Variants in SNX9 observed in about 807,000 individuals in gnomAD.
SNX9 encodes the protein sorting nexin-9.
Under a neutral mutation model 89.4 loss-of-function variants are expected in SNX9, and 44 were observed. That is an observed-to-expected ratio of 0.49 (90% CI 0.39 to 0.63). The LOEUF (loss-of-function observed/expected upper bound fraction) is 0.63. Ranked by LOEUF, SNX9 falls within the 30% of genes least tolerant of loss-of-function variation. SNX9 has a pLI of 0.00. For missense variants in SNX9, 578 were observed against 736.1 expected (o/e 0.79, Z 2.49); for synonymous variants, 236 against 247.8 (o/e 0.95, Z 0.45).
intron 5 of SNX9, 88 bp downstream of exon 5, chr6:157,897,086 C>G (rs1782994131): frequency 7.8e-7 from 1 of 1,281,850 alleles, no homozygotes; most frequent in African/African-American, 1.5e-5. Context: ...GCTGTTCCCA[C>G]ACTCAGCACA....
intron 10 of SNX9, among the ~76,000 whole-genome samples, chr6:157,925,664 T>C (rs552487245): frequency 6.6e-6 from 1 of 152,174 alleles, no homozygotes; most frequent in South Asian, 2.1e-4. Flanking sequence ...ATTTTGACTG[T>C]AGTTCCTAAG....
chr6:157,882,073 A>G (rs1190343301), intron 4 of SNX9, among the ~76,000 whole-genome samples: 1 of 152,172 alleles, frequency 6.6e-6, no homozygotes, highest in Non-Finnish European at 1.5e-5. Context: ...CAAAGTTTCA[A>G]AGAACAGGCT....
chr6:157,928,440 T>C (rs1783739404), intron 11 of SNX9, among the ~76,000 whole-genome samples, 159 bp from the exon 12 acceptor site: 1 of 152,216 alleles, frequency 6.6e-6, no homozygotes, highest in Admixed American at 6.5e-5. Flanking sequence ...AAGTAGTTCT[T>C]TAAATGTCTG....
intron 3 of SNX9, among the ~76,000 whole-genome samples, chr6:157,873,893 A>C (rs893471753): frequency 6.6e-6 from 1 of 151,924 alleles, no homozygotes; most frequent in African/African-American, 2.4e-5. Flanking sequence ...TGCCTGGGAC[A>C]CCCCCAAGCT....
chr6:157,942,409 G>C (rs975567726), intron 17 of SNX9, among the ~76,000 whole-genome samples: 8 of 152,326 alleles, frequency 5.3e-5, no homozygotes, highest in Middle Eastern at 3.4e-3. Flanking sequence ...TGGCCAGGGC[G>C]ACACAACCTT....
chr6:157,873,888 G>A (rs547683784), intron 3 of SNX9, among the ~76,000 whole-genome samples: 14 of 152,212 alleles, frequency 9.2e-5, no homozygotes, highest in Middle Eastern at 3.4e-3. Flanking sequence ...GGTCCTGCCT[G>A]GGACACCCCC....
intron 10 of SNX9, among the ~76,000 whole-genome samples, chr6:157,926,511 G>A (rs1349823743): frequency 6.6e-6 from 1 of 152,180 alleles, no homozygotes; most frequent in African/African-American, 2.4e-5. Flanking sequence ...GCCGAGCACA[G>A]TGGCTTATGC....
intron 4 of SNX9, among the ~76,000 whole-genome samples, chr6:157,876,965 C>T (rs1313183899): frequency 1.3e-5 from 2 of 152,110 alleles, no homozygotes; most frequent in Non-Finnish European, 2.9e-5. Flanking sequence ...ACAGAAGCAC[C>T]CATGAAATGG....
chr6:157,937,443 G>T lies in SNX9; in HGVS notation c.1453G>T (p.Asp485Tyr). The change falls in exon 15 of 18, where the codon GAT (aspartate) becomes TAT (tyrosine). Residue 485 changes from aspartate to tyrosine, a missense_variant. By Grantham distance (160) the Asp-to-Tyr change is radical. Coordinates refer to ENST00000392185, the MANE Select transcript of SNX9 (RefSeq NM_016224.5). The part of the protein sequence containing the change: ...ASLVAEQPKK[D>Y]LHFLMECNHE... ...TTGTATCTTGTTATAGCCAAAGAAA[G>T]ATCTCCATTTCCTGATGGAATGTAA... 1 of 1,612,716 alleles carries T rather than the reference G, an allele frequency of 6.2e-7. No individual in the cohort carries two copies. Among genetic ancestry groups the T allele is most frequent in the Middle Eastern group, 1.7e-4 (1 of 6,058 alleles).
In SNX9 at chr6:157,915,640, AATAT is replaced by A. The variant is rs1411739606; in HGVS notation, c.949+5629_949+5632del. Reference sequence around the variant, plus strand: ...ATCTCTACTAAAAAAAAAAAAAAAAAATATATATATATATATACACACACACACA... The same window carrying A: ...ATCTCTACTAAAAAAAAAAAAAAAAAATATATATATATACACACACACACA... On this transcript the variant is annotated intron_variant, in intron 9 of 17. Transcript: ENST00000392185. Among the ~76,000 whole-genome samples, 175 of 95,120 alleles carry A rather than the reference AATAT, an allele frequency of 1.8e-3. 7 individuals carry two copies. Among genetic ancestry groups the A allele is most frequent in the Middle Eastern group, 0.014 (3 of 210 alleles). 62.4% of individuals were successfully genotyped at this position (95,120 alleles called of 152,430 possible). A position where few individuals can be genotyped will look rare whatever the true frequency, so the allele number is the denominator to read the frequency against.
intron 2 of SNX9, among the ~76,000 whole-genome samples, chr6:157,871,948 A>G (rs1190537888): frequency 6.6e-6 from 1 of 151,648 alleles, no homozygotes; most frequent in Admixed American, 6.6e-5. Flanking sequence ...AGCCTCATCT[A>G]ATTTCTTTAT....
chr6:157,839,289 T>C (rs1207968578), intron 1 of SNX9, among the ~76,000 whole-genome samples: 1 of 152,218 alleles, frequency 6.6e-6, no homozygotes, highest in Non-Finnish European at 1.5e-5. Context: ...AAAGCCTATT[T>C]CCCCTATTAG....
Position 157,823,507 on chromosome 6 carries a change from TCGGGGC to T in SNX9, c.12+70_12+75del. 1 of 1,146,144 alleles carries T rather than the reference TCGGGGC, an allele frequency of 8.7e-7. No homozygotes were observed. Among genetic ancestry groups the T allele is most frequent in the Non-Finnish European group, 1.1e-6 (1 of 933,790 alleles). 71.0% of individuals were successfully genotyped at this position (1,146,144 alleles called of 1,614,324 possible). A position where few individuals can be genotyped will look rare whatever the true frequency, so the allele number is the denominator to read the frequency against. ...CAGGCCCGGGGCGGCGCGGAGAGGGTCGGGGCCGGGGCCGCGGGGAGGGTCGGGGCC... is the reference window on the plus strand; with the variant it reads ...CAGGCCCGGGGCGGCGCGGAGAGGGTCGGGGCCGCGGGGAGGGTCGGGGCC... On this transcript the variant is annotated intron_variant, in intron 1 of 17. Transcript: ENST00000392185. This position sits in a 1 kb window ranked among gnomAD's most constrained non-coding sequence, Gnocchi z 4.6.
intron 7 of SNX9, among the ~76,000 whole-genome samples, chr6:157,907,278 T>TTTTA (rs141137818): frequency 6.6e-6 from 1 of 151,558 alleles, no homozygotes; most frequent in Admixed American, 6.6e-5. Flanking sequence ...AGTTTTGTTT[T>TTTTA]TTTGTTTGTT....
chr6:157,844,587 G>GTTTTTTTTTTTTTTTTTTTT (rs1177648226), intron 1 of SNX9, among the ~76,000 whole-genome samples: 9 of 130,302 alleles, frequency 6.9e-5, no homozygotes, highest in East Asian at 2.2e-4. Flanking sequence ...GCTAATCCTT[G>GTTTTTTTTTTTTTTTTTTTT]TTTTTTTTTT....
chr6:157,912,021 G>A (rs1366286957), intron 9 of SNX9, among the ~76,000 whole-genome samples: 2 of 152,142 alleles, frequency 1.3e-5, no homozygotes, highest in Admixed American at 6.5e-5. Flanking sequence ...GCTGCCTTCT[G>A]CCCAGAGGCA....
intron 14 of SNX9, 73 bp downstream of exon 14, chr6:157,936,113 C>A: frequency 8.2e-7 from 1 of 1,226,564 alleles, no homozygotes; most frequent in African/African-American, 1.6e-5. Flanking sequence ...TAAAACCTGT[C>A]TTAGGACAAA....
intron 1 of SNX9, among the ~76,000 whole-genome samples, chr6:157,834,149 G>GTTTTTTTTTTTTTTTTTTT (rs1491214417): frequency 1.7e-5 from 1 of 60,068 alleles, no homozygotes; most frequent in African/African-American, 6.6e-5. Context: ...TGTCCACTGT[G>GTTTTTTTTTTTTTTTTTTT]GTTTTTTTTT....
intron 1 of SNX9, among the ~76,000 whole-genome samples, chr6:157,866,335 A>T (rs1463317412): frequency 6.6e-6 from 1 of 152,210 alleles, no homozygotes; most frequent in Non-Finnish European, 1.5e-5. Flanking sequence ...TGTAACCCAA[A>T]TACTTTGAGA....
Sources: allele counts gnomAD v4.1 joint callset (sites outside exome capture counted in the v4.1 genomes callset), GRCh38; gene constraint gnomAD v4.1.1; non-coding constraint Gnocchi (gnomAD v3.1); transcripts MANE v1.5; gene names NCBI Gene and HGNC (gene_info 2026-07-23, HGNC 2026-07-21).